LRIG2: variants seen among roughly 807,000 people sequenced by gnomAD.
LRIG2 encodes the protein leucine rich repeats and immunoglobulin like domains 2, also known as leucine-rich repeats and immunoglobulin-like domains protein 2.
In LRIG2, 93 loss-of-function variants were observed where a neutral mutation model predicts 107.8. That is an observed-to-expected ratio of 0.86 (90% CI 0.73 to 1.03). The LOEUF is 1.03. Among genes scored for constraint, LRIG2 ranks in the 50% least tolerant of loss-of-function variants. The pLI, the probability that LRIG2 is intolerant of heterozygous loss-of-function variation, is 0.00. For missense variants in LRIG2, 1,226 were observed against 1,296.0 expected, an observed-to-expected ratio of 0.95 and a Z score of 0.83; for synonymous variants, 471 against 470.6, an observed-to-expected ratio of 1.00 and a Z score of -0.01.
At chr1:113,100,075 CA>C in intron 9 of LRIG2, 135 bp from the exon 10 acceptor site, 1 of 491,898 alleles carries the variant, frequency 2.0e-6, no homozygotes. Flanking sequence ...TTTAGTATAT[CA>C]ATTGTACCTC....
chr1:113,075,448 T>TAAG (rs1316292548), intron 1 of LRIG2, among the ~76,000 whole-genome samples: 1 of 152,186 alleles, frequency 6.6e-6, no homozygotes, highest in Non-Finnish European at 1.5e-5. Flanking sequence ...TGCAGTGTAG[T>TAAG]AAGATGCTTT....
intron 17 of LRIG2, among the ~76,000 whole-genome samples, chr1:113,123,452 T>TA (rs11442472): frequency 0.047 from 7,113 of 152,256 alleles, 573 homozygotes; most frequent in African/African-American, 0.16. Flanking sequence ...CACATGCCTG[T>TA]AATCCCAGCT....
At chr1:113,098,602 A>G (rs1654167598) in intron 8 of LRIG2, 103 bp from the exon 9 acceptor site, 11 of 705,710 alleles carry the variant, frequency 1.6e-5, no homozygotes. Flanking sequence ...AGTAAGGATC[A>G]GAATTAGCAT....
intron 16 of LRIG2, among the ~76,000 whole-genome samples, chr1:113,118,668 GTTTT>G: frequency 7.0e-6 from 1 of 142,380 alleles, no homozygotes; most frequent in East Asian, 2.0e-4. Context: ...GTATGACTTT[GTTTT>G]TTTTTTTTTG....
At chr1:113,085,653 A>G (rs1325799535) in intron 1 of LRIG2, among the ~76,000 whole-genome samples, 2 of 152,132 alleles carry the variant, frequency 1.3e-5, no homozygotes, top group African/African-American at 4.8e-5. Flanking sequence ...ACAAAGCAAA[A>G]ATGCTTCCAG....
At chr1:113,099,018 C>T (rs906623030) in intron 9 of LRIG2, among the ~76,000 whole-genome samples, 12 of 152,080 alleles carry the variant, frequency 7.9e-5, no homozygotes, top group African/African-American at 2.7e-4. Context: ...ACAACCTCTG[C>T]CTCCTAGGTC....
At chr1:113,074,349 T>C (rs1325390376) in intron 1 of LRIG2, among the ~76,000 whole-genome samples, 1 of 152,230 alleles carries the variant, frequency 6.6e-6, no homozygotes, top group African/African-American at 2.4e-5. Flanking sequence ...AAATCAGTTC[T>C]GCTTATTTAT....
rs56809946 is a variant in LRIG2, at chr1:113,131,802, TTGTGTGTGTGTGTGTGTGTGTGTG to T, written c.*7720_*7743del. The T allele has an allele frequency of 9.5e-5, 14 of 147,726 alleles. No homozygotes were observed. Among genetic ancestry groups the T allele is most frequent in the African/African-American group, 3.3e-4 (13 of 39,742 alleles). The allele number at this position is 147,726 out of a possible 1,614,324, so 9.2% of individuals were successfully genotyped here. A position where few individuals can be genotyped will look rare whatever the true frequency, so the allele number is the denominator to read the frequency against. ...GGTTTTGTCAGTAGTAAGGTAGGTT[TTGTGTGTGTGTGTGTGTGTGTGTG>T]TGTGTGTGTGTGTGTGTGAAGATGG... On this transcript the variant is annotated 3_prime_UTR_variant, in exon 18 of 18. Coordinates refer to ENST00000361127, the MANE Select transcript of LRIG2 (RefSeq NM_014813.3).
chr1:113,073,319 G>T lies in LRIG2; in HGVS notation c.-88G>T, dbSNP rs982436203. 5 of 1,080,452 alleles carry T rather than the reference G, an allele frequency of 4.6e-6. No homozygotes were observed. Among genetic ancestry groups the T allele is most frequent in the Non-Finnish European group, 5.6e-6 (4 of 716,084 alleles). 66.9% of individuals were successfully genotyped at this position (1,080,452 alleles called of 1,614,324 possible). A position where few individuals can be genotyped will look rare whatever the true frequency, so the allele number is the denominator to read the frequency against. ...AGCCGGGGCTTCGGGAGACAGTGCA[G>T]CCACCGAGCATCTCTGCTGAGCTTC... is the stretch of plus-strand genomic sequence containing the variant. On this transcript the variant is annotated 5_prime_UTR_variant, in exon 1 of 18. Coordinates refer to ENST00000361127, the MANE Select transcript of LRIG2 (RefSeq NM_014813.3).
Position 113,119,535 on chromosome 1 carries a change from A to AT in LRIG2, c.2971+17dup, listed in dbSNP as rs1234182518. The stretch of plus-strand genomic sequence containing the variant: ...ACAGATGAGCGGTGGTAAGGGATGT[A>AT]TTTTTGTTGTTATTTTGTTTTTACT... On this transcript the variant is annotated intron_variant, in intron 17 of 17. Transcript: ENST00000361127. 6.2e-7 allele frequency: 1 copy of AT among 1,607,972 alleles called. No individual in the cohort carries two copies. The highest frequency in any genetic ancestry group is 1.1e-5 in the South Asian group (1 of 90,804).
chr1:113,081,380 CTG>C (rs1653275158), intron 1 of LRIG2, among the ~76,000 whole-genome samples: 2 of 151,748 alleles, frequency 1.3e-5, no homozygotes, highest in East Asian at 3.9e-4. Flanking sequence ...TGGTCTGAAA[CTG>C]TATACTGGTC....
chr1:113,096,300 A>G lies in LRIG2; in HGVS notation c.1026A>G (p.Leu342=), dbSNP rs770532042. The G allele has an allele frequency of 6.1e-5, 99 of 1,614,080 alleles. No homozygotes were observed. Among genetic ancestry groups the G allele is most frequent in the Non-Finnish European group, 8.1e-5 (95 of 1,180,014 alleles). ...VGLSLLERLN[L]GDNRVTHIAD... ...TGAGCTTATTGGAGAGATTGAATTT[A>G]GGAGACAACAGAGTCACTCATATTG... The change falls in exon 8 of 18, where the codon TTA becomes TTG. Residue 342 remains leucine (L), a synonymous_variant. Coordinates refer to ENST00000361127, the MANE Select transcript of LRIG2 (RefSeq NM_014813.3).
rs1655640419 is a variant in LRIG2 at position 113,129,858 on chromosome 1, A to G, written c.*5757A>G. On this transcript the variant is annotated 3_prime_UTR_variant, in exon 18 of 18. Coordinates refer to ENST00000361127, the MANE Select transcript of LRIG2 (RefSeq NM_014813.3). Reference sequence around the variant, plus strand: ...TCCATGACCTACTGGTACAGGATCTACACTTATGCCATTGGCTTTCTGTCA... The same window carrying G: ...TCCATGACCTACTGGTACAGGATCTGCACTTATGCCATTGGCTTTCTGTCA... 6.6e-6 allele frequency: 1 copy of G among 151,984 alleles called. No individual in the cohort carries two copies. The highest frequency in any genetic ancestry group is 2.4e-5 in the African/African-American group (1 of 41,340). 9.4% of individuals were successfully genotyped at this position (151,984 alleles called of 1,614,324 possible).
intron 17 of LRIG2, among the ~76,000 whole-genome samples, chr1:113,122,073 AC>A (rs1382143203): frequency 2.0e-5 from 2 of 102,354 alleles, no homozygotes; most frequent in African/African-American, 6.9e-5. Flanking sequence ...AGTTAGGCTC[AC>A]CTTTTTTTTT....
chr1:113,096,047 C>T, intron 7 of LRIG2, 30 bp downstream of exon 7: 2 of 1,613,594 alleles, frequency 1.2e-6, no homozygotes, highest in Non-Finnish European at 1.7e-6. Flanking sequence ...TCACTGGAGG[C>T]AGTTAAGACT....
In LRIG2 at chr1:113,094,389, A is replaced by G; in HGVS notation, c.566A>G (p.Asn189Ser). The change falls in exon 5 of 18, where the codon AAT (asparagine) becomes AGT (serine). Residue 189 changes from asparagine (N) to serine (S), a missense_variant. Coordinates refer to ENST00000361127, the MANE Select transcript of LRIG2 (RefSeq NM_014813.3). ...ITTLEAGCFDNLSSSLLVVKL... is the reference protein window; with the variant it reads ...ITTLEAGCFDSLSSSLLVVKL... ...ACCTTGGAGGCTGGTTGCTTCGATA[A>G]TTTATCAAGTTCCTTATTAGTGGTA... 1 of 1,613,198 alleles carries G rather than the reference A, an allele frequency of 6.2e-7. No individual in the cohort carries two copies. Among genetic ancestry groups the G allele is most frequent in the Non-Finnish European group, 8.5e-7 (1 of 1,179,708 alleles).
At chr1:113,091,511 T>A in intron 2 of LRIG2, 128 bp downstream of exon 2, 5 of 597,740 alleles carry the variant, frequency 8.4e-6, no homozygotes, top group Non-Finnish European at 1.5e-5. Flanking sequence ...TAAAAGAAAT[T>A]ATTTGAAAAC....
intron 16 of LRIG2, among the ~76,000 whole-genome samples, chr1:113,118,806 C>A (rs975975548): frequency 1.3e-5 from 2 of 151,992 alleles, no homozygotes; most frequent in Non-Finnish European, 2.9e-5. Context: ...CTGGGACTAC[C>A]GGTGCACGCC....
intron 1 of LRIG2, among the ~76,000 whole-genome samples, chr1:113,077,333 G>A (rs999928483): frequency 3.3e-5 from 5 of 151,924 alleles, no homozygotes; most frequent in Non-Finnish European, 1.5e-5. Flanking sequence ...GTAGAGAAGG[G>A]GTTTTGCCAT....
Sources: gnomAD v4.1 joint callset for allele counts (sites outside exome capture counted in the v4.1 genomes callset) on GRCh38, gnomAD v4.1.1 for gene constraint, MANE v1.5 for transcripts, NCBI Gene and HGNC (gene_info 2026-07-23, HGNC 2026-07-21) for gene names.